Variants in LINGO2 observed in about 807,000 individuals in gnomAD.
The protein encoded by LINGO2 is leucine-rich repeat and immunoglobulin-like domain-containing nogo receptor-interacting protein 2.
In LINGO2, 14 loss-of-function variants were observed where a neutral mutation model predicts 30.6. That is an observed-to-expected ratio of 0.46 (90% CI 0.30 to 0.72). The LOEUF (loss-of-function observed/expected upper bound fraction) is 0.72. Ranked by LOEUF, LINGO2 falls within the 30% of genes least tolerant of loss-of-function variation. The pLI is 0.07. For missense variants in LINGO2, 729 were observed against 751.7 expected, an observed-to-expected ratio of 0.97 and a Z score of 0.35; for synonymous variants, 317 against 288.5, an observed-to-expected ratio of 1.10 and a Z score of -1.00.
At chr9:28,979,713 G>T in the LINGO2 span, among the ~76,000 whole-genome samples, 1 of 151,960 alleles carries the variant, frequency 6.6e-6, no homozygotes, top group African/African-American at 2.4e-5. Flanking sequence ...AGTAAAAAAA[G>T]AAATCTCAAA....
At chr9:28,102,895 T>A (rs1293386209) in intron 4 of LINGO2, among the ~76,000 whole-genome samples, 1 of 152,146 alleles carries the variant, frequency 6.6e-6, no homozygotes, top group African/African-American at 2.4e-5. Flanking sequence ...AACTAAGCTT[T>A]GGAAATGGAA....
chr9:28,630,603 G>T (rs1241163221), intron 1 of LINGO2, among the ~76,000 whole-genome samples: 5 of 151,992 alleles, frequency 3.3e-5, no homozygotes, highest in African/African-American at 1.2e-4. Context: ...CATTTGTCTG[G>T]TCTACTTTCA....
intron 1 of LINGO2, among the ~76,000 whole-genome samples, chr9:28,513,644 T>C (rs1184040193): frequency 6.6e-6 from 1 of 152,230 alleles, no homozygotes; most frequent in African/African-American, 2.4e-5. Flanking sequence ...TGAGTCTACT[T>C]TTGCCAACAT....
At chr9:28,879,135 CAA>C in the LINGO2 span, among the ~76,000 whole-genome samples, 3 of 152,276 alleles carry the variant, frequency 2.0e-5, no homozygotes, top group African/African-American at 4.8e-5. Context: ...GCAACTTCAG[CAA>C]AGTGTCAGGA....
At chr9:28,918,044 G>T in the LINGO2 span, among the ~76,000 whole-genome samples, 2 of 151,974 alleles carry the variant, frequency 1.3e-5, no homozygotes. Flanking sequence ...CAGTTTTCCA[G>T]TCATCCCTTA....
At chr9:28,354,117 C>G (rs1226604047) in intron 3 of LINGO2, among the ~76,000 whole-genome samples, 1 of 151,800 alleles carries the variant, frequency 6.6e-6, no homozygotes, top group Non-Finnish European at 1.5e-5. Flanking sequence ...CTAACCTGCA[C>G]AATGTGCACA....
At chr9:29,161,017 C>T in the LINGO2 span, among the ~76,000 whole-genome samples, 6 of 152,004 alleles carry the variant, frequency 3.9e-5, no homozygotes, top group Admixed American at 3.9e-4. Flanking sequence ...AGAGAGAGAA[C>T]CAGCTTTGTC....
the LINGO2 span, among the ~76,000 whole-genome samples, chr9:28,893,579 A>AT: frequency 5.9e-5 from 9 of 151,476 alleles, no homozygotes; most frequent in East Asian, 7.8e-4. Context: ...AATGGTTATC[A>AT]TTTTTTTTTT....
intron 1 of LINGO2, among the ~76,000 whole-genome samples, chr9:28,562,276 A>G (rs1823127092): frequency 6.6e-6 from 1 of 151,988 alleles, no homozygotes; most frequent in Admixed American, 6.6e-5. Flanking sequence ...AGAGATTAGA[A>G]AGCATTGTTC....
At chr9:28,609,382 C>A (rs1825820763) in intron 1 of LINGO2, among the ~76,000 whole-genome samples, 1 of 151,656 alleles carries the variant, frequency 6.6e-6, no homozygotes, top group Non-Finnish European at 1.5e-5. Flanking sequence ...TAAGTCAAAT[C>A]ATATATAAAC....
chr9:28,751,109 A>C, the LINGO2 span, among the ~76,000 whole-genome samples: 1 of 151,716 alleles, frequency 6.6e-6, no homozygotes, highest in African/African-American at 2.4e-5. Flanking sequence ...TACAAAAATA[A>C]AAAATATATA....
the LINGO2 span, among the ~76,000 whole-genome samples, chr9:28,805,009 C>T: frequency 1.3e-5 from 2 of 152,078 alleles, no homozygotes; most frequent in African/African-American, 2.4e-5. Context: ...ATACAGTCCA[C>T]GTCTTAACAT....
At chr9:28,844,833 A>G in the LINGO2 span, among the ~76,000 whole-genome samples, 1 of 151,908 alleles carries the variant, frequency 6.6e-6, no homozygotes, top group Admixed American at 6.6e-5. Context: ...TTGCTGAAAC[A>G]TGCATTATTA....
At chr9:28,847,760 C>T in the LINGO2 span, among the ~76,000 whole-genome samples, 2 of 36,392 alleles carry the variant, frequency 5.5e-5, no homozygotes, top group Non-Finnish European at 6.4e-5. Flanking sequence ...TATATATACA[C>T]ACACATATGT....
chr9:28,900,777 C>T, the LINGO2 span, among the ~76,000 whole-genome samples: 9 of 152,098 alleles, frequency 5.9e-5, no homozygotes, highest in African/African-American at 2.2e-4. Context: ...CAAGAACAAT[C>T]AGAGAAACAT....
chr9:28,653,111 T>C (rs1287750591), intron 1 of LINGO2, among the ~76,000 whole-genome samples: 1 of 152,204 alleles, frequency 6.6e-6, no homozygotes, highest in Non-Finnish European at 1.5e-5. Flanking sequence ...CTGTGGAATA[T>C]GCATTAGTCA....
At chr9:28,894,836 T>G in the LINGO2 span, among the ~76,000 whole-genome samples, 1 of 152,092 alleles carries the variant, frequency 6.6e-6, no homozygotes, top group Non-Finnish European at 1.5e-5. Context: ...ATGAATTACT[T>G]CACATACTTA....
chr9:28,724,905 G>A, the LINGO2 span, among the ~76,000 whole-genome samples: 2 of 151,958 alleles, frequency 1.3e-5, no homozygotes, highest in African/African-American at 2.4e-5. Flanking sequence ...GAATTCAAAG[G>A]TTTTGTAGAT....
intron 5 of LINGO2, among the ~76,000 whole-genome samples, chr9:28,001,577 T>A (rs1252379855): frequency 6.6e-6 from 1 of 152,208 alleles, no homozygotes; most frequent in Non-Finnish European, 1.5e-5. Flanking sequence ...CAAGATTTAT[T>A]TGCCCAAGTC....
Sources: allele counts gnomAD v4.1 joint callset (sites outside exome capture counted in the v4.1 genomes callset), GRCh38; gene constraint gnomAD v4.1.1; transcripts MANE v1.5; gene names NCBI Gene and HGNC (gene_info 2026-07-23, HGNC 2026-07-21).